Variants in DOCK8 observed in about 807,000 individuals in gnomAD.
DOCK8 encodes the protein dedicator of cytokinesis 8.
A neutral mutation model predicts 245.6 loss-of-function variants in DOCK8; 141 were observed. That is an observed-to-expected ratio of 0.57 (90% CI 0.50 to 0.66). The LOEUF (loss-of-function observed/expected upper bound fraction) is 0.66, where lower values mean the gene tolerates loss of function less well. Ranked by LOEUF, DOCK8 falls within the 30% of genes least tolerant of loss-of-function variation. The pLI, the probability that DOCK8 is intolerant of heterozygous loss-of-function variation, is 0.00. For missense variants in DOCK8, 2,965 were observed against 2,603.4 expected, an observed-to-expected ratio of 1.14 and a Z score of -3.02; for synonymous variants, 1,168 against 970.2, an observed-to-expected ratio of 1.20 and a Z score of -3.79.
At chr9:243,340 G>C (rs192321528) in intron 1 of DOCK8, among the ~76,000 whole-genome samples, 9 of 152,084 alleles carry the variant, frequency 5.9e-5, no homozygotes, top group Admixed American at 4.6e-4. Context: ...ATTGTGAATC[G>C]CACTGCAAAC....
At chr9:422,300 A>T (rs1380488226) in intron 33 of DOCK8, among the ~76,000 whole-genome samples, 165 bp downstream of exon 33, 1 of 152,212 alleles carries the variant, frequency 6.6e-6, no homozygotes, top group Non-Finnish European at 1.5e-5. Flanking sequence ...AATCAAAGGT[A>T]TAGGGAGTTG....
chr9:383,397 T>TG (rs2053810668), intron 22 of DOCK8, among the ~76,000 whole-genome samples: 1 of 152,158 alleles, frequency 6.6e-6, no homozygotes, highest in Non-Finnish European at 1.5e-5. Context: ...CCAGGCGTGG[T>TG]GGCACATGCC....
intron 4 of DOCK8, among the ~76,000 whole-genome samples, chr9:293,979 G>T (rs1206612915): frequency 6.6e-6 from 1 of 152,108 alleles, no homozygotes; most frequent in African/African-American, 2.4e-5. Flanking sequence ...TCTTCACTGC[G>T]TAAAGCCCAG....
At chr9:337,039 C>G (rs942403628) in intron 12 of DOCK8, among the ~76,000 whole-genome samples, 19 of 152,040 alleles carry the variant, frequency 1.2e-4, no homozygotes, top group African/African-American at 4.3e-4. Flanking sequence ...TCAGGTCTCT[C>G]TTCCTGTTCT....
rs568081988 is a variant in DOCK8, at chr9:361,402, T to C, written c.1680-6616T>C. 1.1e-3 allele frequency among the ~76,000 whole-genome samples: 171 copies of C among 152,330 alleles called. 1 individual carries two copies. The highest frequency in any genetic ancestry group is 5.0e-3 in the South Asian group (24 of 4,822). On this transcript the variant is annotated intron_variant, in intron 14 of 47. Transcript: ENST00000432829. ...TGCATTTTAAAAGGCACTCCGTTTG[T>C]TCACACAATCCTGGTAAGAAGATCA...
intron 18 of DOCK8, among the ~76,000 whole-genome samples, chr9:373,027 C>G (rs1240256259): frequency 1.3e-5 from 2 of 152,070 alleles, no homozygotes; most frequent in African/African-American, 4.8e-5. Flanking sequence ...ATTAGCCGGG[C>G]GTGGTGGCGG....
At chr9:386,490 C>T in intron 23 of DOCK8, 64 bp downstream of exon 23, 1 of 1,428,746 alleles carries the variant, frequency 7.0e-7, no homozygotes. Context: ...CTCATGCCCT[C>T]ACACTGTGCT....
chr9:319,939 C>A (rs1276956820), intron 7 of DOCK8, among the ~76,000 whole-genome samples: 3 of 152,222 alleles, frequency 2.0e-5, no homozygotes, highest in East Asian at 1.9e-4. Flanking sequence ...TTTGCCCAGG[C>A]AGTTTCTTTT....
At chr9:272,246 T>C (rs2048184013) in intron 2 of DOCK8, among the ~76,000 whole-genome samples, 1 of 152,132 alleles carries the variant, frequency 6.6e-6, no homozygotes, top group South Asian at 2.1e-4. Flanking sequence ...GAACACTTCT[T>C]TTATCCTAAA....
chr9:279,393 A>G (rs1005562820), intron 2 of DOCK8, among the ~76,000 whole-genome samples: 2 of 152,244 alleles, frequency 1.3e-5, no homozygotes, highest in Non-Finnish European at 2.9e-5. Context: ...ATTTAAAGCC[A>G]TGGGAGTGAA....
chr9:372,069 G>C, intron 17 of DOCK8, 116 bp from the exon 18 acceptor site: 1 of 891,684 alleles, frequency 1.1e-6, no homozygotes, highest in Non-Finnish European at 1.8e-6. Context: ...GCCAAAAAGA[G>C]TACTGGTCAA....
intron 28 of DOCK8, among the ~76,000 whole-genome samples, chr9:414,443 T>C (rs769289924): frequency 1.5e-4 from 23 of 152,218 alleles, no homozygotes; most frequent in Non-Finnish European, 2.9e-4. Flanking sequence ...CTGGATTCTA[T>C]GTAGTTCTAT....
intron 1 of DOCK8, among the ~76,000 whole-genome samples, chr9:247,383 C>G (rs2047529432): frequency 6.6e-6 from 1 of 152,120 alleles, no homozygotes; most frequent in South Asian, 2.1e-4. Context: ...ATTTCCTAAT[C>G]TTTTAACTGA....
At chr9:406,844 TG>T in intron 27 of DOCK8, 85 bp from the exon 28 acceptor site, 1 of 1,581,532 alleles carries the variant, frequency 6.3e-7, no homozygotes, top group South Asian at 1.1e-5. Context: ...GAAGCCTGGC[TG>T]GGGCGAGGAC....
intron 35 of DOCK8, 50 bp downstream of exon 35, chr9:428,546 C>A (rs746987115): frequency 6.2e-7 from 1 of 1,605,028 alleles, no homozygotes. Context: ...GTAAGATTCT[C>A]ATCTAGCTTC....
At chr9:434,721 TAGA>T (rs1222353414) in intron 38 of DOCK8, 59 bp from the exon 39 acceptor site, 7 of 1,564,754 alleles carry the variant, frequency 4.5e-6, no homozygotes, top group Non-Finnish European at 6.1e-6. Context: ...TCACACAAAG[TAGA>T]AGAACAGTGT....
At chr9:257,367 A>G (rs917945804) in intron 1 of DOCK8, among the ~76,000 whole-genome samples, 2 of 152,164 alleles carry the variant, frequency 1.3e-5, no homozygotes, top group Admixed American at 6.5e-5. Flanking sequence ...TTACAGTCCT[A>G]TGTCACTGAG....
intron 46 of DOCK8, among the ~76,000 whole-genome samples, chr9:458,680 G>A (rs556496808): frequency 1.3e-5 from 2 of 152,200 alleles, no homozygotes; most frequent in African/African-American, 2.4e-5. Flanking sequence ...GGGTGTAGTG[G>A]CGTGCCTGTA....
At chr9:341,212 CTG>C (rs2130930534) in intron 14 of DOCK8, among the ~76,000 whole-genome samples, 1 of 152,248 alleles carries the variant, frequency 6.6e-6, no homozygotes, top group Non-Finnish European at 1.5e-5. Context: ...AGTCAAGTAA[CTG>C]TATGTGTCTA....
Sources: allele counts gnomAD v4.1 joint callset (sites outside exome capture counted in the v4.1 genomes callset), GRCh38; gene constraint gnomAD v4.1.1; transcripts MANE v1.5; gene names NCBI Gene and HGNC (gene_info 2026-07-23, HGNC 2026-07-21).